SPAG16: variants seen among roughly 807,000 people sequenced by gnomAD.
The protein encoded by SPAG16 is sperm-associated antigen 16 protein.
Under a neutral mutation model 80.4 loss-of-function variants are expected in SPAG16, and 86 were observed. That is an observed-to-expected ratio of 1.07 (90% CI 0.90 to 1.28). SPAG16 has a LOEUF of 1.28. Among genes scored for constraint, SPAG16 ranks in the 50% most tolerant of loss-of-function variants. SPAG16 has a pLI of 0.00. For missense variants in SPAG16, 870 were observed against 765.3 expected (o/e 1.14, Z -1.61); for synonymous variants, 294 against 265.9 (o/e 1.11, Z -1.03).
In SPAG16 at chr2:214,248,670, GTCC is replaced by G. The variant is rs1221406515; in HGVS notation, c.1720+99409_1720+99411del. Among the ~76,000 whole-genome samples, 10 of 152,110 alleles carry G rather than the reference GTCC, an allele frequency of 6.6e-5. No individual in the cohort carries two copies. The East Asian group carries it at 1.9e-3, about 29-fold the overall frequency. On this transcript the variant is annotated intron_variant, in intron 15 of 15. Coordinates refer to ENST00000331683, the MANE Select transcript of SPAG16 (RefSeq NM_024532.5). ...TTTGCAATGAAAAAGCCAACAAAAA[GTCC>G]TCCTGAGATTTTAATTTTATAAGAT...
intron 15 of SPAG16, among the ~76,000 whole-genome samples, chr2:214,292,062 T>C (rs943918468): frequency 2.6e-5 from 4 of 152,196 alleles, no homozygotes; most frequent in African/African-American, 9.7e-5. Flanking sequence ...TAAAGCACTT[T>C]GAATATGTTA....
intron 10 of SPAG16, among the ~76,000 whole-genome samples, chr2:213,774,723 A>G (rs761327260): frequency 1.6e-4 from 24 of 152,316 alleles, no homozygotes; most frequent in African/African-American, 3.6e-4. Context: ...ACTGAAGTCA[A>G]TAATACCTGT....
intron 10 of SPAG16, among the ~76,000 whole-genome samples, chr2:213,737,320 A>G (rs1028263297): frequency 1.3e-5 from 2 of 152,256 alleles, no homozygotes; most frequent in South Asian, 2.1e-4. Context: ...CAGTTATAGC[A>G]TACTATACTC....
At chr2:213,345,016 A>G (rs1238791329) in intron 6 of SPAG16, among the ~76,000 whole-genome samples, 1 of 151,056 alleles carries the variant, frequency 6.6e-6, no homozygotes, top group Non-Finnish European at 1.5e-5. Flanking sequence ...AAGTGTTCCT[A>G]TTTCTCCACA....
chr2:213,595,325 A>G (rs12623115), intron 10 of SPAG16, among the ~76,000 whole-genome samples: 2,285 of 152,264 alleles, frequency 0.015, 162 homozygotes, highest in Admixed American at 0.11. Context: ...AATATCATGC[A>G]GTTACTTTCA....
chr2:214,226,919 T>C (rs1038121036), intron 15 of SPAG16, among the ~76,000 whole-genome samples: 1 of 152,028 alleles, frequency 6.6e-6, no homozygotes, highest in Non-Finnish European at 1.5e-5. Context: ...TTCTCTTTTA[T>C]TGACATCAGA....
intron 11 of SPAG16, among the ~76,000 whole-genome samples, chr2:213,896,593 C>T (rs372951615): frequency 0.64 from 76,823 of 119,324 alleles, 22,519 homozygotes; most frequent in South Asian, 0.77. Flanking sequence ...CACACACACG[C>T]ACACACACAC....
intron 15 of SPAG16, among the ~76,000 whole-genome samples, chr2:214,221,326 T>G (rs1576528697): frequency 6.6e-6 from 1 of 152,190 alleles, no homozygotes; most frequent in East Asian, 1.9e-4. Context: ...TATTTCTTTC[T>G]TGACTGTCTA....
chr2:213,843,680 G>A (rs955078909), intron 10 of SPAG16, among the ~76,000 whole-genome samples: 3 of 151,298 alleles, frequency 2.0e-5, no homozygotes, highest in East Asian at 1.9e-4. Flanking sequence ...GTGCAAACGC[G>A]TCTCTACTAA....
At chr2:213,375,216 AT>A in intron 9 of SPAG16, 97 bp downstream of exon 9, 1 of 882,600 alleles carries the variant, frequency 1.1e-6, no homozygotes, top group Non-Finnish European at 1.7e-6. Flanking sequence ...CGGAAAAGGA[AT>A]TTAGAGGTTA....
intron 10 of SPAG16, among the ~76,000 whole-genome samples, chr2:213,705,306 G>A (rs2065697634): frequency 6.6e-6 from 1 of 151,840 alleles, no homozygotes; most frequent in Admixed American, 6.6e-5. Context: ...GAGGAAGGAA[G>A]GAAGGAAGGA....
chr2:214,366,402 C>T (rs1237101693), intron 15 of SPAG16, among the ~76,000 whole-genome samples: 2 of 152,128 alleles, frequency 1.3e-5, no homozygotes, highest in African/African-American at 4.8e-5. Context: ...AGTTTTGGTA[C>T]GACCTACTTT....
At chr2:213,849,313 C>A (rs2074786159) in intron 10 of SPAG16, among the ~76,000 whole-genome samples, 1 of 152,112 alleles carries the variant, frequency 6.6e-6, no homozygotes, top group African/African-American at 2.4e-5. Flanking sequence ...ATGAAGGATC[C>A]ACCCCCATGG....
At chr2:213,567,396 C>T (rs1332450476) in intron 10 of SPAG16, among the ~76,000 whole-genome samples, 3 of 96,366 alleles carry the variant, frequency 3.1e-5, no homozygotes, top group African/African-American at 4.3e-5. Context: ...CCCGACCCCA[C>T]CACAGTCCCC....
intron 15 of SPAG16, among the ~76,000 whole-genome samples, chr2:214,191,386 G>C (rs2057658361): frequency 6.6e-6 from 1 of 151,902 alleles, no homozygotes. Context: ...TAGTAAGGTA[G>C]GAAAAGTGTG....
intron 5 of SPAG16, chr2:213,317,720 T>C: frequency 1.0e-5 from 10 of 988,350 alleles, no homozygotes; most frequent in Non-Finnish European, 1.2e-5. Context: ...AGGAAATTGC[T>C]AGTTTATTCC....
intron 13 of SPAG16, among the ~76,000 whole-genome samples, chr2:214,060,734 G>T (rs1429210287): frequency 6.6e-6 from 1 of 152,118 alleles, no homozygotes; most frequent in Non-Finnish European, 1.5e-5. Flanking sequence ...CAATAGGATT[G>T]CTTTTCTCGG....
intron 15 of SPAG16, among the ~76,000 whole-genome samples, chr2:214,174,297 T>C (rs1005109671): frequency 8.5e-5 from 13 of 152,076 alleles, no homozygotes; most frequent in African/African-American, 2.9e-4. Context: ...ATTGTCCCTG[T>C]TTGCAGATGA....
At position 214,237,358 on chromosome 2, in the gene SPAG16, T is replaced by C. The variant is rs187930205; in HGVS notation, c.1720+88092T>C. ...ACACAGATCTTAATTCATTAATTGC[T>C]GTTAGCATTTTATTCGTAAGATAAT... On this transcript the variant is annotated intron_variant, in intron 15 of 15. Coordinates refer to ENST00000331683, the MANE Select transcript of SPAG16 (RefSeq NM_024532.5). Among the ~76,000 whole-genome samples the C allele has an allele frequency of 2.1e-4, 32 of 152,236 alleles. No individual in the cohort carries two copies. The East Asian group carries it at 6.2e-3, about 29-fold the overall frequency.
Sources: gnomAD v4.1 joint callset for allele counts (sites outside exome capture counted in the v4.1 genomes callset) on GRCh38, gnomAD v4.1.1 for gene constraint, MANE v1.5 for transcripts, NCBI Gene and HGNC (gene_info 2026-07-23, HGNC 2026-07-21) for gene names.